The following TMEM150C variants were observed in gnomAD, a reference collection of about 807,000 sequenced individuals.
TMEM150C encodes transmembrane protein 150C, also known as tentonin 3.
TMEM150C carries 10 observed loss-of-function variants against 29.9 expected under a neutral mutation model. The ratio of observed to expected loss-of-function variants is 0.33; its 90% CI spans 0.21 to 0.57. The LOEUF (loss-of-function observed/expected upper bound fraction) is 0.57, where lower values mean the gene tolerates loss of function less well. TMEM150C is among the 20% of genes least tolerant of loss of function. The pLI, the probability that TMEM150C is intolerant of heterozygous loss-of-function variation, is 0.88. For missense variants in TMEM150C, 251 were observed against 303.6 expected, an observed-to-expected ratio of 0.83 and a Z score of 1.29; for synonymous variants, 101 against 112.5, an observed-to-expected ratio of 0.90 and a Z score of 0.64.
At chr4:82,492,352 TC>T (rs1226922472) in intron 6 of TMEM150C, among the ~76,000 whole-genome samples, 3 of 151,746 alleles carry the variant, frequency 2.0e-5, no homozygotes, top group Non-Finnish European at 1.5e-5. Context: ...GATCTCAAAC[TC>T]CCAACCTCAG....
chr4:82,522,296 C>T (rs999144794), intron 1 of TMEM150C, among the ~76,000 whole-genome samples: 2 of 152,074 alleles, frequency 1.3e-5, no homozygotes, highest in Non-Finnish European at 2.9e-5. Context: ...TGTAGAGAGA[C>T]GAAAACACTG....
chr4:82,541,767 G>A (rs1725208860), intron 1 of TMEM150C, among the ~76,000 whole-genome samples: 2 of 152,132 alleles, frequency 1.3e-5, no homozygotes, highest in Non-Finnish European at 2.9e-5. Context: ...GTTAAATAGT[G>A]ACGAACTGTT....
intron 1 of TMEM150C, among the ~76,000 whole-genome samples, chr4:82,516,450 C>T (rs945388369): frequency 1.3e-5 from 2 of 152,194 alleles, no homozygotes; most frequent in Non-Finnish European, 2.9e-5. Flanking sequence ...CTGGGTGATA[C>T]TGTACACACT....
intron 1 of TMEM150C, among the ~76,000 whole-genome samples, chr4:82,538,949 C>T (rs1725109168): frequency 6.6e-6 from 1 of 152,044 alleles, no homozygotes; most frequent in African/African-American, 2.4e-5. Flanking sequence ...ACCTGTAAGT[C>T]CTAGCTACTC....
intron 6 of TMEM150C, chr4:82,490,795 T>G: frequency 2.2e-6 from 1 of 453,582 alleles, no homozygotes; most frequent in Non-Finnish European, 4.1e-6. Flanking sequence ...AATTGTTTTT[T>G]AAGTACAGAA....
chr4:82,526,976 C>A (rs539639545), intron 1 of TMEM150C, among the ~76,000 whole-genome samples: 2 of 150,080 alleles, frequency 1.3e-5, no homozygotes, highest in South Asian at 4.3e-4. Flanking sequence ...CACTGTCAGC[C>A]AATCTAGGAA....
intron 1 of TMEM150C, among the ~76,000 whole-genome samples, chr4:82,540,641 A>G (rs547705427): frequency 2.2e-4 from 34 of 152,276 alleles, no homozygotes; most frequent in Middle Eastern, 3.4e-3. Context: ...TTTTATTTAC[A>G]TAATTACTAT....
intron 6 of TMEM150C, among the ~76,000 whole-genome samples, chr4:82,492,417 C>T (rs755405571): frequency 1.3e-5 from 2 of 152,088 alleles, no homozygotes; most frequent in Admixed American, 1.3e-4. Flanking sequence ...CATGAGCCAA[C>T]ACACCCGGCC....
intron 1 of TMEM150C, among the ~76,000 whole-genome samples, chr4:82,551,681 C>T (rs1338691383): frequency 1.3e-5 from 2 of 152,136 alleles, no homozygotes; most frequent in African/African-American, 2.4e-5. Context: ...GAAAGCACCA[C>T]CTGATGTCTC....
chr4:82,523,512 G>A (rs1342363680), intron 1 of TMEM150C, among the ~76,000 whole-genome samples: 1 of 152,130 alleles, frequency 6.6e-6, no homozygotes, highest in Non-Finnish European at 1.5e-5. Context: ...GAAGGCTGCA[G>A]GAATCGCCAT....
At chr4:82,507,716 T>C (rs1227265579) in intron 1 of TMEM150C, among the ~76,000 whole-genome samples, 2 of 78,398 alleles carry the variant, frequency 2.6e-5, no homozygotes, top group Admixed American at 1.5e-4. Flanking sequence ...ATTAACTCTC[T>C]CTCTCTCTCT....
intron 1 of TMEM150C, among the ~76,000 whole-genome samples, chr4:82,547,936 A>G (rs1475147318): frequency 6.6e-6 from 1 of 152,232 alleles, no homozygotes; most frequent in African/African-American, 2.4e-5. Flanking sequence ...ACAATAGCAA[A>G]GACATGGAAT....
intron 5 of TMEM150C, among the ~76,000 whole-genome samples, chr4:82,499,867 A>C (rs1723681661): frequency 6.6e-6 from 1 of 152,072 alleles, no homozygotes; most frequent in Admixed American, 6.6e-5. Flanking sequence ...TACCTGGCCA[A>C]ATTTTTGTTT....
intron 1 of TMEM150C, among the ~76,000 whole-genome samples, chr4:82,543,128 C>G (rs1387979679): frequency 6.6e-6 from 1 of 152,174 alleles, no homozygotes; most frequent in Non-Finnish European, 1.5e-5. Context: ...ATACTGGAAC[C>G]AGGATTGGGC....
At chr4:82,504,228 C>A (rs907838270) in intron 2 of TMEM150C, among the ~76,000 whole-genome samples, 3 of 151,972 alleles carry the variant, frequency 2.0e-5, no homozygotes, top group Non-Finnish European at 4.4e-5. Context: ...GGGGTGGGGA[C>A]AGTCTTGCTC....
intron 1 of TMEM150C, among the ~76,000 whole-genome samples, chr4:82,531,402 G>T (rs1724841184): frequency 6.6e-6 from 1 of 152,072 alleles, no homozygotes; most frequent in South Asian, 2.1e-4. Context: ...TGGGAAGAAA[G>T]GATGGAGCCA....
intron 1 of TMEM150C, among the ~76,000 whole-genome samples, chr4:82,524,225 G>A (rs1375446783): frequency 1.3e-5 from 2 of 151,690 alleles, no homozygotes; most frequent in Admixed American, 6.6e-5. Context: ...CCGAGATCAC[G>A]CGAAAAACAA....
intron 1 of TMEM150C, among the ~76,000 whole-genome samples, chr4:82,537,030 G>A (rs1401598045): frequency 6.6e-6 from 1 of 152,148 alleles, no homozygotes; most frequent in African/African-American, 2.4e-5. Context: ...CGCCCAGGCT[G>A]GAGTGCAGTG....
Position 82,557,918 on chromosome 4 carries a change from A to G in TMEM150C, c.-11+3988T>C, listed in dbSNP as rs192394176. Among the ~76,000 whole-genome samples, 373 of 151,808 alleles carry G rather than the reference A, an allele frequency of 2.5e-3. 3 individuals carry two copies. Among genetic ancestry groups the G allele is most frequent in the African/African-American group, 8.5e-3 (352 of 41,396 alleles). ...TAATTTTTTTTTGTATTTTTAGTGG[A>G]CACAGGGTTTCACTGTATTGGCCGG... On this transcript the variant is annotated intron_variant, in intron 1 of 7. Transcript: ENST00000449862.
Sources: gnomAD v4.1 joint callset for allele counts (sites outside exome capture counted in the v4.1 genomes callset) on GRCh38, gnomAD v4.1.1 for gene constraint, MANE v1.5 for transcripts, NCBI Gene and HGNC (gene_info 2026-07-23, HGNC 2026-07-21) for gene names.